GAREM1: variants seen among roughly 807,000 people sequenced by gnomAD.
The protein encoded by GAREM1 is GRB2-associated and regulator of MAPK protein 1.
A neutral mutation model predicts 71.3 loss-of-function variants in GAREM1; 26 were observed. The ratio of observed to expected loss-of-function variants is 0.36; its 90% CI spans 0.27 to 0.51. The LOEUF (loss-of-function observed/expected upper bound fraction) is 0.51. GAREM1 is among the 20% of genes least tolerant of loss of function. GAREM1 has a pLI of 0.95. For missense variants in GAREM1, 1,026 were observed against 1,103.1 expected (o/e 0.93, Z 0.99); for synonymous variants, 440 against 433.2 (o/e 1.02, Z -0.20).
In GAREM1 at chr18:32,265,315, C is replaced by G. The variant is rs763224241; in HGVS notation, c.*2556G>C. The G allele has an allele frequency of 3.3e-5, 5 of 152,240 alleles. No homozygotes were observed. Among genetic ancestry groups the G allele is most frequent in the Non-Finnish European group, 5.9e-5 (4 of 68,082 alleles). The allele number at this position is 152,240 out of a possible 1,614,324, so 9.4% of individuals were successfully genotyped here. A position where few individuals can be genotyped will look rare whatever the true frequency, so the allele number is the denominator to read the frequency against. On this transcript the variant is annotated 3_prime_UTR_variant, in exon 6 of 6. Transcript: ENST00000269209. ...ACAACACTAGGCAATGAGAGAGATA[C>G]TTTCTGCCTCCAACACATTCCAAGT...
chr18:32,422,932 T>C (rs567170776), intron 1 of GAREM1, among the ~76,000 whole-genome samples: 7 of 152,346 alleles, frequency 4.6e-5, no homozygotes, highest in Admixed American at 1.3e-4. Flanking sequence ...ACAGCAAGAC[T>C]AGAACTCGGC....
chr18:32,422,271 A>T (rs923942619), intron 1 of GAREM1, among the ~76,000 whole-genome samples: 1 of 152,088 alleles, frequency 6.6e-6, no homozygotes, highest in African/African-American at 2.4e-5. Context: ...TAGTTTGCTG[A>T]GAATGATGGT....
intron 3 of GAREM1, among the ~76,000 whole-genome samples, chr18:32,292,099 C>G (rs927368528): frequency 5.9e-5 from 9 of 152,162 alleles, no homozygotes; most frequent in African/African-American, 2.2e-4. Context: ...CTAATTTACA[C>G]TCCTACCAAC....
intron 1 of GAREM1, among the ~76,000 whole-genome samples, chr18:32,405,037 A>C (rs756572708): frequency 1.2e-4 from 18 of 152,326 alleles, no homozygotes; most frequent in South Asian, 4.1e-4. Flanking sequence ...CCAATATCAA[A>C]AGGAAAGCTG....
chr18:32,276,269 T>C (rs1013461655), intron 4 of GAREM1, among the ~76,000 whole-genome samples: 2 of 152,226 alleles, frequency 1.3e-5, no homozygotes, highest in African/African-American at 4.8e-5. Flanking sequence ...TGGGGGCTGA[T>C]GGCCGGGATC....
chr18:32,372,788 A>T (rs954926482), intron 2 of GAREM1, among the ~76,000 whole-genome samples: 4 of 152,236 alleles, frequency 2.6e-5, no homozygotes, highest in Admixed American at 6.5e-5. Context: ...GAAATGGGGC[A>T]AGAGGTCAGA....
At chr18:32,426,998 C>T (rs1263725122) in intron 1 of GAREM1, among the ~76,000 whole-genome samples, 1 of 152,122 alleles carries the variant, frequency 6.6e-6, no homozygotes, top group Non-Finnish European at 1.5e-5. Context: ...CATAGGAGCC[C>T]TTTCTTTCCC....
intron 1 of GAREM1, among the ~76,000 whole-genome samples, chr18:32,459,601 C>A (rs533136876): frequency 6.6e-6 from 1 of 152,194 alleles, no homozygotes; most frequent in East Asian, 1.9e-4. Flanking sequence ...TCGAAACAAC[C>A]AATTAAATAG....
intron 1 of GAREM1, among the ~76,000 whole-genome samples, chr18:32,465,821 G>A (rs1363727230): frequency 6.6e-6 from 1 of 152,162 alleles, no homozygotes; most frequent in Non-Finnish European, 1.5e-5. Context: ...GCTTGCGTTG[G>A]ACATCCATCC....
intron 2 of GAREM1, among the ~76,000 whole-genome samples, chr18:32,317,130 C>T (rs896016519): frequency 6.6e-6 from 1 of 152,082 alleles, no homozygotes; most frequent in Non-Finnish European, 1.5e-5. Context: ...ATGGGCCAGG[C>T]GCGGTGGCTC....
intron 1 of GAREM1, among the ~76,000 whole-genome samples, chr18:32,397,249 G>C (rs111972357): frequency 6.6e-6 from 1 of 151,946 alleles, no homozygotes; most frequent in Admixed American, 6.6e-5. Context: ...ATCAACTAAC[G>C]AGCAAAATAA....
At chr18:32,405,833 G>C (rs150674287) in intron 1 of GAREM1, among the ~76,000 whole-genome samples, 4 of 152,090 alleles carry the variant, frequency 2.6e-5, no homozygotes, top group Non-Finnish European at 5.9e-5. Context: ...AAACATATTC[G>C]AACAAATCAC....
chr18:32,370,265 T>C (rs2047965121), intron 2 of GAREM1, among the ~76,000 whole-genome samples: 1 of 151,848 alleles, frequency 6.6e-6, no homozygotes, highest in Non-Finnish European at 1.5e-5. Context: ...CCGTCTCTAC[T>C]AAAAATAAAA....
intron 2 of GAREM1, among the ~76,000 whole-genome samples, chr18:32,366,280 TACATTGTA>T (rs2047927841): frequency 6.6e-6 from 1 of 152,100 alleles, no homozygotes; most frequent in South Asian, 2.1e-4. Flanking sequence ...CTTATTACCT[TACATTGTA>T]ACAGTAAACA....
intron 1 of GAREM1, among the ~76,000 whole-genome samples, chr18:32,405,155 A>C (rs1375023324): frequency 1.3e-5 from 2 of 152,236 alleles, no homozygotes; most frequent in African/African-American, 4.8e-5. Context: ...TTACTGAGTC[A>C]GTTAAATACC....
At chr18:32,365,154 T>C (rs945045045) in intron 2 of GAREM1, among the ~76,000 whole-genome samples, 5 of 152,174 alleles carry the variant, frequency 3.3e-5, no homozygotes, top group African/African-American at 1.2e-4. Context: ...TTGTCTTTAC[T>C]CCTAGGCTTC....
At chr18:32,428,336 C>A (rs1228419179) in intron 1 of GAREM1, among the ~76,000 whole-genome samples, 2 of 152,068 alleles carry the variant, frequency 1.3e-5, no homozygotes, top group East Asian at 3.9e-4. Context: ...GTGTCCTTGC[C>A]CCAGTCTCAC....
At chr18:32,341,313 C>CT (rs1268358362) in intron 2 of GAREM1, among the ~76,000 whole-genome samples, 2 of 152,150 alleles carry the variant, frequency 1.3e-5, no homozygotes, top group South Asian at 4.1e-4. Flanking sequence ...TGAACTCATC[C>CT]TTTTTTCTGG....
intron 2 of GAREM1, among the ~76,000 whole-genome samples, chr18:32,347,387 C>T (rs950488166): frequency 5.3e-5 from 8 of 152,162 alleles, no homozygotes; most frequent in African/African-American, 1.9e-4. Context: ...AAGTGCACCT[C>T]TAGTCTATGG....
Sources: gnomAD v4.1 joint callset for allele counts (sites outside exome capture counted in the v4.1 genomes callset) on GRCh38, gnomAD v4.1.1 for gene constraint, MANE v1.5 for transcripts, NCBI Gene and HGNC (gene_info 2026-07-23, HGNC 2026-07-21) for gene names.